STRAP: variants seen among roughly 807,000 people sequenced by gnomAD.
STRAP encodes serine/threonine kinase receptor associated protein, also known as serine-threonine kinase receptor-associated protein.
STRAP carries 16 observed loss-of-function variants against 47.0 expected under a neutral mutation model. The ratio of observed to expected loss-of-function variants is 0.34; its 90% confidence interval spans 0.23 to 0.52. The LOEUF (loss-of-function observed/expected upper bound fraction) is 0.52, where lower values mean the gene tolerates loss of function less well. Among genes scored for constraint, STRAP ranks in the 20% least tolerant of loss-of-function variants. The pLI, the probability that STRAP is intolerant of heterozygous loss-of-function variation, is 0.96. For synonymous variants in STRAP, 130 were observed against 142.7 expected (o/e 0.91, Z 0.63); for missense variants, 293 against 420.0 (o/e 0.70, Z 2.64).
At chr12:15,902,749 G>A (rs895590924) in intron 9 of STRAP, among the ~76,000 whole-genome samples, 168 bp from the exon 10 acceptor site, 7 of 152,122 alleles carry the variant, frequency 4.6e-5, no homozygotes, top group Non-Finnish European at 1.5e-5. Flanking sequence ...TCAATGACAT[G>A]AGTCTAGTTG....
Position 15,890,716 on chromosome 12 carries a change from T to G in STRAP, c.403+47T>G, listed in dbSNP as rs201374219. On this transcript the variant is annotated intron_variant, in intron 4 of 9. Coordinates refer to ENST00000419869, the MANE Select transcript of STRAP (RefSeq NM_007178.4). The surrounding 1 kb of genome is among the most constrained non-coding windows in gnomAD (Gnocchi z 4.5). ...GCTTCTAGTTTTATTTTCTTTTAAT[T>G]TAAATAACTGATTAAAGAATTTCAT... 2.7e-6 allele frequency: 4 copies of G among 1,459,174 alleles called. No homozygotes were observed. The highest frequency in any genetic ancestry group is 3.8e-6 in the Non-Finnish European group (4 of 1,061,652). The allele number at this position is 1,459,174 out of a possible 1,614,324, so 90.4% of individuals were successfully genotyped here.
At position 15,894,216 on chromosome 12, in the gene STRAP, T is replaced by C. The variant is rs1247471802; in HGVS notation, c.500+73T>C. ...GGCTCACGCCTATAATCTCAGCACT[T>C]TGGGAGGCGAGCCGGGTGGATCATT... On this transcript the variant is annotated intron_variant, in intron 5 of 9. Coordinates refer to ENST00000419869, the MANE Select transcript of STRAP (RefSeq NM_007178.4). The surrounding 1 kb of genome is among the most constrained non-coding windows in gnomAD (Gnocchi z 4.9). 2.4e-6 allele frequency: 3 copies of C among 1,244,990 alleles called. No homozygotes were observed. Among genetic ancestry groups the C allele is most frequent in the Admixed American group, 1.8e-5 (1 of 55,080 alleles). The allele number at this position is 1,244,990 out of a possible 1,614,324, so 77.1% of individuals were successfully genotyped here. A position where few individuals can be genotyped will look rare whatever the true frequency, so the allele number is the denominator to read the frequency against.
chr12:15,890,744 T>C lies in STRAP; in HGVS notation c.403+75T>C. 3.0e-6 allele frequency: 4 copies of C among 1,318,708 alleles called. No individual in the cohort carries two copies. The highest frequency in any genetic ancestry group is 3.2e-6 in the Non-Finnish European group (3 of 941,686). 81.7% of individuals were successfully genotyped at this position (1,318,708 alleles called of 1,614,324 possible). On this transcript the variant is annotated intron_variant, in intron 4 of 9. Transcript: ENST00000419869. The surrounding 1 kb of genome is among the most constrained non-coding windows in gnomAD (Gnocchi z 4.5). ...AATAACTGATTAAAGAATTTCATGC[T>C]CAGTACTCAAATTTGGAAAATAAAG...
At chr12:15,893,897 AT>A in intron 4 of STRAP, 149 bp from the exon 5 acceptor site, 2 of 621,284 alleles carry the variant, frequency 3.2e-6, no homozygotes, top group Non-Finnish European at 5.6e-6. Flanking sequence ...ACTGTATTCT[AT>A]ATAAACATCA....
chr12:15,893,428 T>C (rs1381593885), intron 4 of STRAP, among the ~76,000 whole-genome samples: 1 of 147,334 alleles, frequency 6.8e-6, no homozygotes, highest in East Asian at 1.9e-4. Flanking sequence ...TTTTATTATA[T>C]ATAAAATACT....
chr12:15,895,411 T>G lies in STRAP; in HGVS notation c.553T>G (p.Ser185Ala). ...TEVKSLNFNM[S>A]VSSMEYIPEG... is the part of the protein sequence containing the mutation. ...AGTGAAATCTCTAAATTTTAATATG[T>G]CTGTTAGTAGTATGGAATATATTCC... is the stretch of plus-strand genomic sequence containing the variant. The change falls in exon 6 of 10, where the codon TCT (serine) becomes GCT (alanine). Residue 185 changes from serine to alanine, a missense_variant. Ser to Ala is a moderately conservative substitution (Grantham distance 99). Around this residue, in one of 5 missense-constraint regions of STRAP, gnomAD observed 152 missense variants for 183.0 expected, o/e 0.83. Coordinates refer to ENST00000419869, the MANE Select transcript of STRAP (RefSeq NM_007178.4). 1 of 1,601,388 alleles carries G rather than the reference T, an allele frequency of 6.2e-7. No individual in the cohort carries two copies. Among genetic ancestry groups the G allele is most frequent in the African/African-American group, 1.3e-5 (1 of 74,234 alleles).
At chr12:15,897,775 G>T in intron 6 of STRAP, 107 bp from the exon 7 acceptor site, 133 of 462,034 alleles carry the variant, frequency 2.9e-4, no homozygotes, top group Middle Eastern at 8.3e-4. Context: ...TTGAGTAAAT[G>T]AGTATTTAAT....
chr12:15,891,818 G>C (rs373157225), intron 4 of STRAP, among the ~76,000 whole-genome samples: 1 of 152,026 alleles, frequency 6.6e-6, no homozygotes, highest in African/African-American at 2.4e-5. Context: ...GGTGGCAGGC[G>C]CCTGTAATTC....
rs1948051710 is a variant in STRAP at position 15,895,396 on chromosome 12, C to G, written c.538C>G (p.Leu180Val). The G allele has an allele frequency of 8.2e-6, 13 of 1,592,428 alleles. No individual in the cohort carries two copies. The highest frequency in any genetic ancestry group is 1.1e-5 in the Non-Finnish European group (13 of 1,173,474). ...DHATMTEVKS[L>V]NFNMSVSSME... ...TGCTACTATGACAGAAGTGAAATCT[C>G]TAAATTTTAATATGTCTGTTAGTAG... The change falls in exon 6 of 10, where the codon CTA becomes GTA. Residue 180 changes from leucine (L) to valine (V), a missense_variant. This residue lies in a region of STRAP where 152 missense variants were observed against 183.0 expected (regional missense o/e 0.83). Transcript: ENST00000419869.
At position 15,896,820 on chromosome 12, in the gene STRAP, T is replaced by G. The variant is rs1374834715; in HGVS notation, c.639-1062T>G. ...TAAAGTTCTTAGTTATACATGACAC[T>G]TAATTGATTTCCATAAGGATTATAC... On this transcript the variant is annotated intron_variant, in intron 6 of 9. Transcript: ENST00000419869. The surrounding 1 kb of genome is among the most constrained non-coding windows in gnomAD (Gnocchi z 4.1). Among the ~76,000 whole-genome samples, 1 of 152,252 alleles carries G rather than the reference T, an allele frequency of 6.6e-6. No individual in the cohort carries two copies. Among genetic ancestry groups the G allele is most frequent in the South Asian group, 2.1e-4 (1 of 4,836 alleles).
chr12:15,901,298 G>T (rs1007348962), intron 9 of STRAP, among the ~76,000 whole-genome samples: 4 of 152,056 alleles, frequency 2.6e-5, no homozygotes, highest in African/African-American at 7.2e-5. Flanking sequence ...ACAAATTATT[G>T]TAAGGGGGAT....
intron 2 of STRAP, among the ~76,000 whole-genome samples, chr12:15,884,065 C>T (rs1947946983): frequency 6.6e-6 from 1 of 151,996 alleles, no homozygotes; most frequent in Non-Finnish European, 1.5e-5. Context: ...CTTTAGGCAT[C>T]ATTAAAACTC....
At chr12:15,884,651 C>T (rs1237130682) in intron 2 of STRAP, among the ~76,000 whole-genome samples, 1 of 152,134 alleles carries the variant, frequency 6.6e-6, no homozygotes, top group Admixed American at 6.6e-5. Context: ...CTCCATGCCT[C>T]AGCCTCTCAA....
At chr12:15,897,043 GCAGTTAGGCAAATCC>G (rs1405891334) in intron 6 of STRAP, among the ~76,000 whole-genome samples, 1 of 152,200 alleles carries the variant, frequency 6.6e-6, no homozygotes, top group Non-Finnish European at 1.5e-5. Flanking sequence ...ACTCACTCCT[GCAGTTAGGCAAATCC>G]CATGTTGGTG....
intron 1 of STRAP, 98 bp downstream of exon 1, chr12:15,882,917 G>A: frequency 2.2e-6 from 3 of 1,388,430 alleles, no homozygotes; most frequent in Non-Finnish European, 3.0e-6. Flanking sequence ...TGTGGTGAGG[G>A]GGGAGGGGGC....
chr12:15,882,519 A>T lies in STRAP; in HGVS notation c.-189A>T. On this transcript the variant is annotated 5_prime_UTR_variant, in exon 1 of 10. Coordinates refer to ENST00000419869, the MANE Select transcript of STRAP (RefSeq NM_007178.4). ...TCGTCGACTGTTGCTTGCTGGTCGC[A>T]GACTCCCTGACCCCTCCCTCACCCC... 1.9e-6 allele frequency: 1 copy of T among 517,318 alleles called. No individual in the cohort carries two copies. The allele number at this position is 517,318 out of a possible 1,614,324, so 32.0% of individuals were successfully genotyped here.
rs1206852737 is a variant in STRAP, at chr12:15,903,276, C to G, written c.*298C>G. ...ATTATTACAATTAGGGTTCTTGTAG[C>G]TGTTTATGTTAATATGGAGAAGAAA... On this transcript the variant is annotated 3_prime_UTR_variant, in exon 10 of 10. Transcript: ENST00000419869. The G allele has an allele frequency of 2.1e-5, 5 of 233,470 alleles. No individual in the cohort carries two copies. In the South Asian group the frequency reaches 8.9e-4, roughly 42 times the overall value. 14.5% of individuals were successfully genotyped at this position (233,470 alleles called of 1,614,324 possible). A position where few individuals can be genotyped will look rare whatever the true frequency, so the allele number is the denominator to read the frequency against.
chr12:15,883,819 A>T (rs539456551), intron 2 of STRAP, 143 bp downstream of exon 2: 311 of 1,022,176 alleles, frequency 3.0e-4, no homozygotes, highest in Non-Finnish European at 3.8e-4. Context: ...CCAAAATTCC[A>T]TCGTGGTCCA....
intron 2 of STRAP, among the ~76,000 whole-genome samples, chr12:15,885,248 GCA>G (rs903725922): frequency 2.0e-5 from 3 of 148,988 alleles, no homozygotes; most frequent in Admixed American, 1.3e-4. Context: ...GAGTGCGGTG[GCA>G]CAGTCTCGGC....
Sources: gnomAD v4.1 joint callset for allele counts (sites outside exome capture counted in the v4.1 genomes callset) on GRCh38, gnomAD v4.1.1 for gene constraint, gnomAD v4.1.1 regional missense constraint, Gnocchi (gnomAD v3.1) non-coding constraint, MANE v1.5 for transcripts, NCBI Gene and HGNC (gene_info 2026-07-23, HGNC 2026-07-21) for gene names.